The following DGKB variants were observed in gnomAD, a reference collection of about 807,000 sequenced individuals.
The protein encoded by DGKB is diacylglycerol kinase beta.
Under a neutral mutation model 114.3 loss-of-function variants are expected in DGKB, and 67 were observed. The observed-to-expected ratio is 0.59, with a 90% CI of 0.48 to 0.72. The LOEUF is 0.72. DGKB is among the 30% of genes least tolerant of loss of function. DGKB has a pLI of 0.00. For synonymous variants in DGKB, 398 were observed against 323.1 expected (o/e 1.23, Z -2.49); for missense variants, 907 against 975.2 (o/e 0.93, Z 0.93).
In DGKB at chr7:14,718,731, T is replaced by C. The variant is rs1406705732; in HGVS notation, c.323-46A>G. The C allele has an allele frequency of 2.9e-6, 4 of 1,395,638 alleles. No homozygotes were observed. In the African/African-American group the frequency reaches 4.3e-5, roughly 15 times the overall value. 86.5% of individuals were successfully genotyped at this position (1,395,638 alleles called of 1,614,324 possible). A position where few individuals can be genotyped will look rare whatever the true frequency, so the allele number is the denominator to read the frequency against. On this transcript the variant is annotated intron_variant, in intron 5 of 25. Coordinates refer to ENST00000402815, the MANE Select transcript of DGKB (RefSeq NM_001350709.2). Reference sequence around the variant, plus strand: ...ATATTTTGTTAATTATTTACAGTGATCTCAAACAGAAAACAAATTAAGAAA... The same window carrying C: ...ATATTTTGTTAATTATTTACAGTGACCTCAAACAGAAAACAAATTAAGAAA...
chr7:14,957,998 T>C lies in DGKB; in HGVS notation c.-188+16698A>G, dbSNP rs186099253. 3.0e-3 allele frequency among the ~76,000 whole-genome samples: 463 copies of C among 152,174 alleles called. 2 individuals are homozygous for C. Among genetic ancestry groups the C allele is most frequent in the South Asian group, 9.9e-3 (48 of 4,828 alleles). On this transcript the variant is annotated intron_variant, in intron 1 of 4. Coordinates refer to the DGKB transcript ENST00000437998. ...TTAACAAATAACTACTTGATAAATA[T>C]TGTGTTTACGTAAAATCAGTTTAGG...
At position 14,192,462 on chromosome 7, in the gene DGKB, G is replaced by A. The variant is rs115779485; in HGVS notation, c.2123-14311C>T. Among the ~76,000 whole-genome samples the A allele has an allele frequency of 3.0e-3, 451 of 152,112 alleles. 2 individuals carry two copies. The highest frequency in any genetic ancestry group is 0.01 in the African/African-American group (427 of 41,486). On this transcript the variant is annotated intron_variant, in intron 23 of 25. Coordinates refer to ENST00000402815, the MANE Select transcript of DGKB (RefSeq NM_001350709.2). ...ACTTTGATGAAAAATAAATGGAAGA[G>A]GACACAAATAAATGGAAAGACATAT...
chr7:14,292,728 G>T (rs1446992452), intron 23 of DGKB, among the ~76,000 whole-genome samples: 1 of 152,172 alleles, frequency 6.6e-6, no homozygotes, highest in Non-Finnish European at 1.5e-5. Context: ...TGCACTTACA[G>T]AGTGCCTCTG....
chr7:14,554,623 T>C, intron 20 of DGKB, among the ~76,000 whole-genome samples: 1 of 152,146 alleles, frequency 6.6e-6, no homozygotes, highest in East Asian at 1.9e-4. Flanking sequence ...CATTACACAA[T>C]ATGGATGTGG....
chr7:14,321,799 TTAGAA>T (rs1488556842), intron 23 of DGKB, among the ~76,000 whole-genome samples: 1 of 152,088 alleles, frequency 6.6e-6, no homozygotes, highest in Non-Finnish European at 1.5e-5. Flanking sequence ...AATATATTTT[TTAGAA>T]TAGCACTGTT....
chr7:14,505,629 G>C (rs117270404), intron 20 of DGKB, among the ~76,000 whole-genome samples: 1,945 of 152,112 alleles, frequency 0.013, 14 homozygotes, highest in Non-Finnish European at 0.021. Context: ...CCTCCTGACT[G>C]TGTGTGTGTA....
At chr7:14,650,854 G>A (rs1425431784) in intron 13 of DGKB, among the ~76,000 whole-genome samples, 5 of 151,364 alleles carry the variant, frequency 3.3e-5, no homozygotes, top group Non-Finnish European at 7.4e-5. Context: ...TACCATCAGA[G>A]AATAATACAA....
intron 17 of DGKB, among the ~76,000 whole-genome samples, chr7:14,601,871 G>A (rs1304646888): frequency 6.6e-6 from 1 of 151,856 alleles, no homozygotes; most frequent in East Asian, 1.9e-4. Flanking sequence ...CATTTTGTTC[G>A]CAACCATGTA....
intron 23 of DGKB, among the ~76,000 whole-genome samples, chr7:14,236,345 A>T (rs942751697): frequency 1.3e-4 from 12 of 88,898 alleles, no homozygotes; most frequent in African/African-American, 5.2e-4. Context: ...TCCAATTAAT[A>T]AAAAAAAAGC....
At chr7:14,567,141 A>ATATATATAATATACAATTATGTT (rs1797524307) in intron 20 of DGKB, among the ~76,000 whole-genome samples, 1 of 106,864 alleles carries the variant, frequency 9.4e-6, no homozygotes, top group Non-Finnish European at 1.8e-5. Context: ...TTATATGTTT[A>ATATATATAATATACAATTATGTT]TATATATAAT....
chr7:14,405,048 C>A (rs1019039464), intron 21 of DGKB, among the ~76,000 whole-genome samples: 1 of 151,716 alleles, frequency 6.6e-6, no homozygotes, highest in African/African-American at 2.4e-5. Context: ...CAATAGGATA[C>A]TAGATTCCAC....
At chr7:14,367,717 C>T (rs1816915696) in intron 21 of DGKB, among the ~76,000 whole-genome samples, 1 of 152,020 alleles carries the variant, frequency 6.6e-6, no homozygotes, top group South Asian at 2.1e-4. Context: ...TTAATGGACT[C>T]ACAGTTCCAC....
chr7:14,231,129 T>TTCTTTCTTTCTTTCTTTC lies in DGKB; in HGVS notation c.2123-52979_2123-52978insGAAAGAAAGAAAGAAAGA, dbSNP rs1562685092. Among the ~76,000 whole-genome samples, 26 of 140,430 alleles carry TTCTTTCTTTCTTTCTTTC rather than the reference T, an allele frequency of 1.9e-4. 1 individual carries two copies. The highest frequency in any genetic ancestry group is 6.5e-4 in the African/African-American group (25 of 38,346). The allele number at this position is 140,430 out of a possible 152,430, so 92.1% of individuals were successfully genotyped here. On this transcript the variant is annotated intron_variant, in intron 23 of 25. Coordinates refer to ENST00000402815, the MANE Select transcript of DGKB (RefSeq NM_001350709.2). ...TTTCTTTCTTTCTTTCTTTCTTTCT[T>TTCTTTCTTTCTTTCTTTC]TCTTTCTTTCTTTCTTTTTCTTTCT...
At chr7:14,388,564 G>A (rs771595006) in intron 21 of DGKB, among the ~76,000 whole-genome samples, 7 of 151,450 alleles carry the variant, frequency 4.6e-5, no homozygotes, top group Non-Finnish European at 7.4e-5. Context: ...ATGTATTGTC[G>A]AAATTTTCTG....
chr7:14,585,814 C>G (rs1266263666), intron 17 of DGKB, among the ~76,000 whole-genome samples: 2 of 151,994 alleles, frequency 1.3e-5, no homozygotes, highest in Admixed American at 6.6e-5. Context: ...ATTATTATAT[C>G]TGTTATGGTG....
intron 8 of DGKB, among the ~76,000 whole-genome samples, chr7:14,694,892 G>A (rs900827305): frequency 6.6e-5 from 10 of 152,086 alleles, no homozygotes; most frequent in Admixed American, 2.0e-4. Context: ...TATTATTAAT[G>A]GAAATTATAT....
At chr7:14,336,918 C>T (rs1418010592) in intron 23 of DGKB, among the ~76,000 whole-genome samples, 2 of 151,224 alleles carry the variant, frequency 1.3e-5, no homozygotes, top group Non-Finnish European at 3.0e-5. Flanking sequence ...TGTGTAGATG[C>T]AAAAGACATA....
chr7:14,598,123 C>A (rs1306679097), intron 17 of DGKB, among the ~76,000 whole-genome samples: 1 of 152,122 alleles, frequency 6.6e-6, no homozygotes, highest in Non-Finnish European at 1.5e-5. Flanking sequence ...TAATGTCTCA[C>A]CTTCATCCAA....
At position 14,677,477 on chromosome 7, in the gene DGKB, T is replaced by C. The variant is rs543903981; in HGVS notation, c.1036-4450A>G. ...CCATGGCATTGGAAACCTTTAAACA[T>C]TACTGTTAGGAATTTAGTATCTTAA... On this transcript the variant is annotated intron_variant, in intron 12 of 25. Transcript: ENST00000402815. Among the ~76,000 whole-genome samples, 7 of 152,102 alleles carry C rather than the reference T, an allele frequency of 4.6e-5. No individual in the cohort carries two copies. In the East Asian group the frequency reaches 1.2e-3, roughly 25 times the overall value.
Sources: gnomAD v4.1 joint callset for allele counts (sites outside exome capture counted in the v4.1 genomes callset) on GRCh38, gnomAD v4.1.1 for gene constraint, MANE v1.5 for transcripts, NCBI Gene and HGNC (gene_info 2026-07-23, HGNC 2026-07-21) for gene names.